The following HSPA4 variants were observed in gnomAD, a reference collection of about 807,000 sequenced individuals.
HSPA4 encodes heat shock 70 kDa protein 4.
A neutral mutation model predicts 106.2 loss-of-function variants in HSPA4; 25 were observed. That is an observed-to-expected ratio of 0.24 (90% CI 0.17 to 0.33). HSPA4 has a LOEUF of 0.33. HSPA4 is among the 10% of genes least tolerant of loss of function. The probability of loss-of-function intolerance (pLI) is 1.00; values close to 1 mark genes in which losing one functional copy is unlikely to be tolerated. For synonymous variants in HSPA4, 332 were observed against 333.6 expected, an observed-to-expected ratio of 1.00 and a Z score of 0.05; for missense variants, 841 against 996.0, an observed-to-expected ratio of 0.84 and a Z score of 2.10.
intron 2 of HSPA4, among the ~76,000 whole-genome samples, chr5:133,066,736 C>CTTTTTTTTTTT (rs58483780): frequency 2.3e-5 from 3 of 129,420 alleles, no homozygotes; most frequent in Admixed American, 8.0e-5. Context: ...TTTCTTTTTT[C>CTTTTTTTTTTT]TTTTTTTTTT....
At chr5:133,064,109 C>T (rs375571787) in intron 1 of HSPA4, among the ~76,000 whole-genome samples, 41 of 152,192 alleles carry the variant, frequency 2.7e-4, no homozygotes, top group African/African-American at 9.4e-4. Context: ...GTTTCAGTTT[C>T]GCCTTTCTAA....
chr5:133,090,756 A>G (rs957308243), intron 11 of HSPA4, among the ~76,000 whole-genome samples: 2 of 152,204 alleles, frequency 1.3e-5, no homozygotes, highest in Non-Finnish European at 2.9e-5. Flanking sequence ...AGTTCTGGGA[A>G]TGAAGAAAAT....
At chr5:133,057,906 A>T (rs1250550869) in intron 1 of HSPA4, among the ~76,000 whole-genome samples, 1 of 152,264 alleles carries the variant, frequency 6.6e-6, no homozygotes, top group East Asian at 1.9e-4. Context: ...TGAATAACAT[A>T]AGCAGCAGTA....
Position 133,104,412 on chromosome 5 carries a change from G to A in HSPA4, c.2499G>A (p.Lys833=). The change falls in exon 19 of 19, where the codon AAG becomes AAA. Residue 833 remains lysine (K), a synonymous_variant. Transcript: ENST00000304858. Reference sequence around the variant, plus strand: ...CTGTGCCTTCGGATTCAGACAAGAAGCTTCCTGAAATGGACATTGATTGAT... The same window carrying A: ...CTGTGCCTTCGGATTCAGACAAGAAACTTCCTGAAATGGACATTGATTGAT... The part of the protein sequence containing the change: ...DTAVPSDSDK[K]LPEMDID 3 of 1,614,160 alleles carry A rather than the reference G, an allele frequency of 1.9e-6. No individual in the cohort carries two copies. Among genetic ancestry groups the A allele is most frequent in the East Asian group, 2.2e-5 (1 of 44,888 alleles).
intron 1 of HSPA4, among the ~76,000 whole-genome samples, chr5:133,060,562 G>A (rs1164857464): frequency 2.0e-5 from 3 of 151,884 alleles, no homozygotes; most frequent in Admixed American, 6.6e-5. Context: ...GGGTTTCACC[G>A]TGTTGTCCAG....
chr5:133,070,333 G>T, intron 3 of HSPA4, 41 bp from the exon 4 acceptor site: 1 of 1,575,230 alleles, frequency 6.3e-7, no homozygotes. Context: ...CATGAAGAAA[G>T]AAATATAATA....
Position 133,080,007 on chromosome 5 carries a change from A to G in HSPA4, c.908+3109A>G, listed in dbSNP as rs996814814. ...GTTGAGGATCTTAAATGCAGTAACA[A>G]TCTATTTTCTTTTGGTGTATAATAT... is the stretch of plus-strand genomic sequence containing the variant. On this transcript the variant is annotated intron_variant, in intron 7 of 18. Transcript: ENST00000304858. 4.6e-5 allele frequency among the ~76,000 whole-genome samples: 7 copies of G among 152,304 alleles called. No homozygotes were observed. In the South Asian group the frequency reaches 8.3e-4, roughly 18 times the overall value.
chr5:133,099,578 A>G lies in HSPA4; in HGVS notation c.1963A>G (p.Thr655Ala). 1 of 1,602,430 alleles carries G rather than the reference A, an allele frequency of 6.2e-7. No homozygotes were observed. Among genetic ancestry groups the G allele is most frequent in the South Asian group, 1.1e-5 (1 of 90,258 alleles). The change falls in exon 16 of 19, where the codon ACT (threonine) becomes GCT (alanine). Residue 655 changes from threonine to alanine, a missense_variant. Thr to Ala is a moderately conservative substitution (Grantham distance 58, BLOSUM62 0). Transcript: ENST00000304858. Reference sequence around the variant, plus strand: ...CAGTTTTACTTTGAAACTGGAAGATACTGAAAATTGGTTGTATGAGGATGG... The same window carrying G: ...CAGTTTTACTTTGAAACTGGAAGATGCTGAAAATTGGTTGTATGAGGATGG... ...RNSFTLKLED[T>A]ENWLYEDGED...
chr5:133,063,243 G>A (rs1158152714), intron 1 of HSPA4, among the ~76,000 whole-genome samples: 4 of 151,474 alleles, frequency 2.6e-5, no homozygotes, highest in Admixed American at 2.6e-4. Context: ...CTGCCCCATA[G>A]CTGGGATTAC....
At chr5:133,069,254 A>G (rs926992227) in intron 3 of HSPA4, among the ~76,000 whole-genome samples, 1 of 146,216 alleles carries the variant, frequency 6.8e-6, no homozygotes, top group African/African-American at 2.5e-5. Context: ...CTTATTTAAA[A>G]TTTTTTTTTT....
chr5:133,083,239 G>A lies in HSPA4; in HGVS notation c.909-3543G>A, dbSNP rs566585823. Among the ~76,000 whole-genome samples the A allele has an allele frequency of 2.6e-5, 4 of 152,168 alleles. No individual in the cohort carries two copies. In the South Asian group the frequency reaches 8.3e-4, roughly 32 times the overall value. On this transcript the variant is annotated intron_variant, in intron 7 of 18. Coordinates refer to ENST00000304858, the MANE Select transcript of HSPA4 (RefSeq NM_002154.4). Reference sequence around the variant, plus strand: ...AGGTGGGAGAATTGCTTGAACCTGGGAGGCGGAGGTAGCAGTGAGCTGAGA... The same window carrying A: ...AGGTGGGAGAATTGCTTGAACCTGGAAGGCGGAGGTAGCAGTGAGCTGAGA...
rs559968941 is a variant in HSPA4, at chr5:133,083,630, C to T, written c.909-3152C>T. ...TCAGCTCACCTTAACCTCCGCCTCCCGGGTTCAAGTGATTCTCCTGCCTCA... is the reference window on the plus strand; with the variant it reads ...TCAGCTCACCTTAACCTCCGCCTCCTGGGTTCAAGTGATTCTCCTGCCTCA... On this transcript the variant is annotated intron_variant, in intron 7 of 18. Transcript: ENST00000304858. Among the ~76,000 whole-genome samples the T allele has an allele frequency of 1.0e-3, 152 of 152,166 alleles. 3 individuals are homozygous for T. Among genetic ancestry groups the T allele is most frequent in the Admixed American group, 8.5e-4 (13 of 15,278 alleles).
chr5:133,084,117 C>T (rs112863399), intron 7 of HSPA4, among the ~76,000 whole-genome samples: 17 of 152,264 alleles, frequency 1.1e-4, no homozygotes, highest in African/African-American at 4.1e-4. Flanking sequence ...TCCATAACCA[C>T]TGATGTGCTT....
intron 16 of HSPA4, 162 bp from the exon 17 acceptor site, chr5:133,101,597 C>T: frequency 1.6e-6 from 1 of 609,570 alleles, no homozygotes; most frequent in Non-Finnish European, 2.8e-6. Flanking sequence ...TAGTTTCATT[C>T]CCCTCCTGAA....
rs375495698 is a variant in HSPA4 at position 133,074,032 on chromosome 5, C to T, written c.569C>T (p.Ala190Val). The change falls in exon 6 of 19, where the codon GCC becomes GTC. Residue 190 changes from alanine (A) to valine (V), a missense_variant. Ala to Val is a moderately conservative substitution (Grantham distance 64). Coordinates refer to ENST00000304858, the MANE Select transcript of HSPA4 (RefSeq NM_002154.4). The part of the protein sequence containing the change: ...AYGIYKQDLP[A>V]LEEKPRNVVF... ...GGAATCTATAAGCAGGATCTTCCTG[C>T]CTTAGAAGAGAAACCAAGAAATGTA... 49 of 1,606,428 alleles carry T rather than the reference C, an allele frequency of 3.1e-5. No individual in the cohort carries two copies. The African/African-American group carries it at 6.0e-4, about 20-fold the overall frequency.
intron 7 of HSPA4, among the ~76,000 whole-genome samples, chr5:133,082,207 C>T (rs572593367): frequency 1.3e-5 from 2 of 152,226 alleles, no homozygotes; most frequent in South Asian, 2.1e-4. Flanking sequence ...ATATGAAATG[C>T]CCCGAATTGG....
rs1765849326 is a variant in HSPA4, at chr5:133,105,770, T to A, written c.*1334T>A. On this transcript the variant is annotated 3_prime_UTR_variant, in exon 19 of 19. Coordinates refer to ENST00000304858, the MANE Select transcript of HSPA4 (RefSeq NM_002154.4). ...TGTTGTTAGAAATAAGATGCTATCT[T>A]GCATAGTTAGAATTAAGCGTTTGTC... 1 of 152,184 alleles carries A rather than the reference T, an allele frequency of 6.6e-6. No homozygotes were observed. The highest frequency in any genetic ancestry group is 2.4e-5 in the African/African-American group (1 of 41,442). The allele number at this position is 152,184 out of a possible 1,614,324, so 9.4% of individuals were successfully genotyped here.
chr5:133,104,348 A>C lies in HSPA4; in HGVS notation c.2435A>C (p.Asn812Thr). ...QNGPVDGQGDNPGPQAAEQGT... is the reference protein window; with the variant it reads ...QNGPVDGQGDTPGPQAAEQGT... ...GGACCAGTGGATGGACAAGGAGACA[A>C]CCCAGGCCCCCAGGCTGCTGAGCAG... is the stretch of plus-strand genomic sequence containing the variant. Residue 812 changes from asparagine to threonine, a missense_variant, in exon 19 of 19, where the codon AAC becomes ACC. Around this residue, in one of 5 missense-constraint regions of HSPA4, gnomAD observed 328 missense variants for 372.2 expected, o/e 0.88. Coordinates refer to ENST00000304858, the MANE Select transcript of HSPA4 (RefSeq NM_002154.4). The C allele has an allele frequency of 6.2e-7, 1 of 1,614,178 alleles. No homozygotes were observed. The highest frequency in any genetic ancestry group is 2.2e-5 in the East Asian group (1 of 44,882).
chr5:133,052,423 C>A (rs532990317), intron 1 of HSPA4, 66 bp downstream of exon 1: 4 of 1,118,272 alleles, frequency 3.6e-6, no homozygotes, highest in Middle Eastern at 2.2e-4. Flanking sequence ...CAGTCTGGGA[C>A]CCTCGCTGCT....
Sources: gnomAD v4.1 joint callset for allele counts (sites outside exome capture counted in the v4.1 genomes callset) on GRCh38, gnomAD v4.1.1 for gene constraint, gnomAD v4.1.1 regional missense constraint, MANE v1.5 for transcripts, NCBI Gene and HGNC (gene_info 2026-07-23, HGNC 2026-07-21) for gene names.